Variants in HDAC4 observed in about 807,000 individuals in gnomAD.
HDAC4 encodes histone deacetylase 4.
Under a neutral mutation model 135.1 loss-of-function variants are expected in HDAC4, and 16 were observed. That is an observed-to-expected ratio of 0.12 (90% CI 0.08 to 0.18). The LOEUF (loss-of-function observed/expected upper bound fraction) is 0.18. HDAC4 is among the 10% of genes least tolerant of loss of function. HDAC4 has a pLI of 1.00. For missense variants in HDAC4, 1,143 were observed against 1,511.8 expected (o/e 0.76, Z 4.05); for synonymous variants, 685 against 653.4 (o/e 1.05, Z -0.74).
In HDAC4 at chr2:239,285,313, C is replaced by T. The variant is rs2051074737; in HGVS notation, c.23-48649G>A. On this transcript the variant is annotated intron_variant, in intron 2 of 26. Coordinates refer to ENST00000543185, the MANE Select transcript of HDAC4 (RefSeq NM_001378414.1). This position sits in a 1 kb window ranked among gnomAD's most constrained non-coding sequence, Gnocchi z 4.5. ...GCTGGGAGTGGAGAACGCGCCGCGG[C>T]TGGGCCCCCAAGTTCGCGGCTGTGC... Among the ~76,000 whole-genome samples the T allele has an allele frequency of 6.6e-6, 1 of 152,238 alleles. No homozygotes were observed. The highest frequency in any genetic ancestry group is 2.1e-4 in the South Asian group (1 of 4,830).
intron 7 of HDAC4, among the ~76,000 whole-genome samples, chr2:239,148,965 C>T (rs916412684): frequency 6.6e-6 from 1 of 152,220 alleles, no homozygotes; most frequent in Non-Finnish European, 1.5e-5. Flanking sequence ...TGAATGCAGT[C>T]CAGGTGGACT....
chr2:239,114,996 G>T, intron 13 of HDAC4, 57 bp downstream of exon 13: 2 of 1,595,072 alleles, frequency 1.3e-6, no homozygotes, highest in Non-Finnish European at 8.5e-7. Flanking sequence ...ATGCCACCTG[G>T]GGACCGAGGG....
rs956111898 is a variant in HDAC4 at position 239,080,059 on chromosome 2, GACAC to G, written c.2750+1032_2750+1035del. ...ACACAGATGAACACCCACCCACACA[GACAC>G]ACACACAGATGAACGAACACCCACC... On this transcript the variant is annotated intron_variant, in intron 22 of 26. Transcript: ENST00000543185. Among the ~76,000 whole-genome samples the G allele has an allele frequency of 2.0e-5, 3 of 149,936 alleles. 1 individual carries two copies. Among genetic ancestry groups the G allele is most frequent in the African/African-American group, 7.4e-5 (3 of 40,558 alleles).
At chr2:239,311,186 AG>A (rs1431726593) in intron 2 of HDAC4, among the ~76,000 whole-genome samples, 1 of 152,120 alleles carries the variant, frequency 6.6e-6, no homozygotes, top group Non-Finnish European at 1.5e-5. Context: ...CTGCAGCTCC[AG>A]GGCAGAGCCT....
intron 3 of HDAC4, among the ~76,000 whole-genome samples, chr2:239,198,746 T>C (rs1026622377): frequency 6.6e-6 from 1 of 152,204 alleles, no homozygotes; most frequent in African/African-American, 2.4e-5. Context: ...CTCCCCATCT[T>C]TGTGAGCTTA....
At chr2:239,225,453 G>C (rs987607623) in intron 3 of HDAC4, among the ~76,000 whole-genome samples, 2 of 152,266 alleles carry the variant, frequency 1.3e-5, no homozygotes, top group African/African-American at 4.8e-5. Flanking sequence ...CACGAAGGCA[G>C]AAGTCGGTCT....
intron 16 of HDAC4, among the ~76,000 whole-genome samples, chr2:239,100,323 A>C (rs946907956): frequency 6.6e-6 from 1 of 152,214 alleles, no homozygotes; most frequent in Non-Finnish European, 1.5e-5. Flanking sequence ...GTTTTGCTCC[A>C]GTTTCTGGGA....
chr2:239,372,281 G>A (rs1481928491), intron 1 of HDAC4, among the ~76,000 whole-genome samples: 1 of 152,200 alleles, frequency 6.6e-6, no homozygotes, highest in Non-Finnish European at 1.5e-5. Context: ...GAAGGGCCCA[G>A]CTACTCATCC....
intron 2 of HDAC4, among the ~76,000 whole-genome samples, chr2:239,301,008 G>A (rs1269074036): frequency 6.6e-6 from 1 of 152,186 alleles, no homozygotes; most frequent in African/African-American, 2.4e-5. Context: ...GACAAGCCCT[G>A]CCCCCTCCTC....
chr2:239,199,172 A>T (rs910055227), intron 3 of HDAC4, among the ~76,000 whole-genome samples: 6 of 146,996 alleles, frequency 4.1e-5, no homozygotes, highest in South Asian at 2.1e-4. Flanking sequence ...CACTTTGCTG[A>T]TTACACCCTG....
chr2:239,102,538 T>G, intron 16 of HDAC4: 1 of 533,428 alleles, frequency 1.9e-6, no homozygotes, highest in Admixed American at 3.1e-5. Context: ...TGATTCAAGA[T>G]GCTTCTAAAC....
intron 3 of HDAC4, among the ~76,000 whole-genome samples, chr2:239,203,031 G>A (rs1024933572): frequency 1.3e-5 from 2 of 152,212 alleles, no homozygotes; most frequent in African/African-American, 4.8e-5. Context: ...CCTGGGTGCT[G>A]GCAGCGCTGA....
intron 22 of HDAC4, among the ~76,000 whole-genome samples, chr2:239,070,941 T>C (rs1048529912): frequency 2.6e-5 from 4 of 152,034 alleles, no homozygotes; most frequent in Non-Finnish European, 2.9e-5. Flanking sequence ...TTTTTTTTTT[T>C]TTTTACATTA....
At chr2:239,322,057 T>TG (rs1409038184) in intron 2 of HDAC4, among the ~76,000 whole-genome samples, 1 of 152,246 alleles carries the variant, frequency 6.6e-6, no homozygotes, top group Non-Finnish European at 1.5e-5. Context: ...CAAAATCTTC[T>TG]GGGGGTTAAG....
At chr2:239,144,806 G>T (rs1486159437) in intron 7 of HDAC4, 92 bp from the exon 8 acceptor site, 9 of 1,341,644 alleles carry the variant, frequency 6.7e-6, no homozygotes, top group Middle Eastern at 1.8e-4. Flanking sequence ...GCACTCTGGT[G>T]AGTAAATATT....
intron 2 of HDAC4, among the ~76,000 whole-genome samples, chr2:239,295,750 C>T (rs2051849663): frequency 6.6e-6 from 1 of 152,186 alleles, no homozygotes; most frequent in South Asian, 2.1e-4. Context: ...CCAAAACCAC[C>T]ACCACCAACA....
chr2:239,084,047 T>G, intron 20 of HDAC4, 108 bp downstream of exon 20: 1 of 792,330 alleles, frequency 1.3e-6, no homozygotes. Flanking sequence ...TCCAGAAACC[T>G]AAGCTTCCCA....
intron 7 of HDAC4, among the ~76,000 whole-genome samples, chr2:239,150,724 A>G (rs375294370): frequency 8.3e-5 from 12 of 143,984 alleles, no homozygotes; most frequent in East Asian, 4.1e-4. Context: ...AAGTCTCACC[A>G]CGCTGCACCT....
chr2:239,163,451 G>A (rs1052869121), intron 6 of HDAC4, among the ~76,000 whole-genome samples: 5 of 152,100 alleles, frequency 3.3e-5, no homozygotes, highest in African/African-American at 7.2e-5. Flanking sequence ...CCCAGACCAC[G>A]TCACTCTGGA....
Sources: allele counts gnomAD v4.1 joint callset (sites outside exome capture counted in the v4.1 genomes callset), GRCh38; gene constraint gnomAD v4.1.1; non-coding constraint Gnocchi (gnomAD v3.1); transcripts MANE v1.5; gene names NCBI Gene and HGNC (gene_info 2026-07-23, HGNC 2026-07-21).